The following JAK1 variants were observed in gnomAD, a reference collection of about 807,000 sequenced individuals.
JAK1 encodes tyrosine-protein kinase JAK1.
Under a neutral mutation model 136.6 loss-of-function variants are expected in JAK1, and 16 were observed. The ratio of observed to expected loss-of-function variants is 0.12; its 90% CI spans 0.08 to 0.18. JAK1 has a LOEUF of 0.18. JAK1 is among the 10% of genes least tolerant of loss of function. The pLI, the probability that JAK1 is intolerant of heterozygous loss-of-function variation, is 1.00. For synonymous variants in JAK1, 492 were observed against 519.5 expected (o/e 0.95, Z 0.72); for missense variants, 859 against 1,450.1 (o/e 0.59, Z 6.62).
Position 64,846,725 on chromosome 1 carries a change from C to T in JAK1, c.1911G>A (p.Glu637=), listed in dbSNP as rs777366315. The T allele has an allele frequency of 5.9e-5, 95 of 1,613,810 alleles. No individual in the cohort carries two copies. The South Asian group carries it at 1.0e-3, about 17-fold the overall frequency. ...SHRDISLAFF[E]AASMMRQVSH... is the part of the protein sequence containing the mutation. Reference sequence around the variant, plus strand: ...AGACCTGTCTCATCATGCTGGCTGCCTCGAAGAAGGCCTGTGGGCGAGCAG... The same window carrying T: ...AGACCTGTCTCATCATGCTGGCTGCTTCGAAGAAGGCCTGTGGGCGAGCAG... The change falls in exon 14 of 25, where the codon GAG becomes GAA. Residue 637 remains glutamate, a synonymous_variant. Coordinates refer to ENST00000342505, the MANE Select transcript of JAK1 (RefSeq NM_002227.4).
intron 2 of JAK1, among the ~76,000 whole-genome samples, chr1:64,995,718 G>T (rs937575013): frequency 8.5e-5 from 13 of 152,082 alleles, no homozygotes; most frequent in African/African-American, 2.7e-4. Flanking sequence ...GAAACCAAAA[G>T]AAAAATGATA....
chr1:65,052,686 T>A (rs990319242), intron 1 of JAK1, among the ~76,000 whole-genome samples: 1 of 151,626 alleles, frequency 6.6e-6, no homozygotes, highest in Non-Finnish European at 1.5e-5. Flanking sequence ...TGGTGGTGGG[T>A]GCCTGTAGTT....
At chr1:64,860,340 CAG>C in intron 8 of JAK1, 78 bp from the exon 9 acceptor site, 1 of 1,229,540 alleles carries the variant, frequency 8.1e-7, no homozygotes, top group Non-Finnish European at 1.1e-6. Context: ...GGGAGGTGCA[CAG>C]TGAGAAGATT....
Position 64,847,523 on chromosome 1 carries a change from G to A in JAK1, c.1899+9C>T. ...AGGGGAGGGGAGGAGTTCAGAGGAA[G>A]ACACTTGCCAGGGAAATATCCCTGT... On this transcript the variant is annotated intron_variant, in intron 13 of 24. Transcript: ENST00000342505. The A allele has an allele frequency of 1.9e-6, 3 of 1,613,962 alleles. No individual in the cohort carries two copies. Among genetic ancestry groups the A allele is most frequent in the East Asian group, 2.2e-5 (1 of 44,888 alleles).
chr1:64,876,320 C>G (rs1173772656), intron 4 of JAK1: 2 of 152,216 alleles, frequency 1.3e-5, no homozygotes, highest in Admixed American at 1.3e-4. Context: ...GGGCAGAACA[C>G]AATCTTCAAT....
In JAK1 at chr1:64,985,952, G is replaced by T. The variant is rs1046801926; in HGVS notation, c.-78+58528C>A. 5.7e-6 allele frequency: 6 copies of T among 1,059,162 alleles called. No individual in the cohort carries two copies. In the East Asian group the frequency reaches 8.3e-5, roughly 15 times the overall value. 65.6% of individuals were successfully genotyped at this position (1,059,162 alleles called of 1,614,324 possible). ...TCTCAGAGGGAGGGGTATTTGCCTT[G>T]TCCTTCAAAGTGTTGATAAATTCCC... On this transcript the variant is annotated intron_variant, in intron 2 of 25. Coordinates refer to the JAK1 transcript ENST00000671954.
chr1:64,849,380 G>C (rs903585611), intron 12 of JAK1, among the ~76,000 whole-genome samples: 1 of 152,160 alleles, frequency 6.6e-6, no homozygotes, highest in Non-Finnish European at 1.5e-5. Flanking sequence ...ATTTTTAGTA[G>C]AGATGGGATC....
chr1:64,855,726 T>C lies in JAK1; in HGVS notation c.1459-28A>G, dbSNP rs2274948. The stretch of plus-strand genomic sequence containing the variant: ...ATTCGGGAAATGACCAGAAATTACA[T>C]GTTTAAAATGGGGTCAGGCATGGGT... On this transcript the variant is annotated intron_variant, in intron 10 of 24. Transcript: ENST00000342505. 8,262 of 1,597,794 alleles carry C rather than the reference T, an allele frequency of 5.2e-3. 547 individuals are homozygous for C. The East Asian group carries it at 0.14, about 27-fold the overall frequency.
At chr1:65,019,684 A>G (rs568042273) in intron 2 of JAK1, among the ~76,000 whole-genome samples, 6 of 152,210 alleles carry the variant, frequency 3.9e-5, no homozygotes, top group East Asian at 1.9e-4. Context: ...TGGGAGGCCA[A>G]TGTGGGTGGA....
upstream of JAK1, among the ~76,000 whole-genome samples, chr1:64,968,846 C>T (rs968804673): frequency 2.7e-5 from 4 of 149,038 alleles, no homozygotes; most frequent in Admixed American, 2.0e-4. Context: ...GCACAAGAAT[C>T]GCTTGAAGCC....
intron 12 of JAK1, chr1:64,847,928 TAGGA>T: frequency 2.1e-6 from 1 of 475,312 alleles, no homozygotes; most frequent in Non-Finnish European, 3.8e-6. Context: ...TTTCTACCCC[TAGGA>T]ACAGCCTTTG....
intron 1 of JAK1, among the ~76,000 whole-genome samples, chr1:65,048,329 C>T (rs1647208152): frequency 6.6e-6 from 1 of 152,208 alleles, no homozygotes; most frequent in Non-Finnish European, 1.5e-5. Context: ...ACCAGACACA[C>T]AGCAGGTATC....
intron 1 of JAK1, among the ~76,000 whole-genome samples, chr1:64,933,764 C>G (rs1224380105): frequency 6.6e-6 from 1 of 152,178 alleles, no homozygotes; most frequent in Non-Finnish European, 1.5e-5. Context: ...TCTGGCACCA[C>G]AAAATGCAAT....
chr1:64,884,964 C>T (rs1644829850), intron 2 of JAK1, among the ~76,000 whole-genome samples: 1 of 152,116 alleles, frequency 6.6e-6, no homozygotes, highest in East Asian at 1.9e-4. Context: ...AGGAGGCTCC[C>T]CCAAACAAGA....
rs1646753951 is a variant in JAK1 at position 65,001,306 on chromosome 1, T to A, written c.-78+43174A>T. ...TTTCACTGGGCTGCAGTGATTCCCC[T>A]TGTTACCAAAAGGGGCCCAGCCTCC... On this transcript the variant is annotated intron_variant, in intron 2 of 25. Transcript: ENST00000671954. Among the ~76,000 whole-genome samples the A allele has an allele frequency of 2.6e-5, 4 of 152,340 alleles. No homozygotes were observed. The Middle Eastern group carries it at 0.014, about 518-fold the overall frequency.
At position 64,936,182 on chromosome 1, in the gene JAK1, G is replaced by A. The variant is rs184289967; in HGVS notation, c.-78+30151C>T. Among the ~76,000 whole-genome samples, 4 of 152,168 alleles carry A rather than the reference G, an allele frequency of 2.6e-5. 1 individual carries two copies. The highest frequency in any genetic ancestry group is 9.7e-5 in the African/African-American group (4 of 41,432). ...AAAGATTAAGCAACAGAGGAGAGGTGGAAGTTTATCAGAGAATCAGGATTT... is the reference window on the plus strand; with the variant it reads ...AAAGATTAAGCAACAGAGGAGAGGTAGAAGTTTATCAGAGAATCAGGATTT... On this transcript the variant is annotated intron_variant, in intron 1 of 24. Transcript: ENST00000342505.
chr1:64,879,057 G>C lies in JAK1; in HGVS notation c.297C>G (p.Asp99Glu), dbSNP rs1366562603. 5.6e-6 allele frequency: 9 copies of C among 1,613,906 alleles called. No homozygotes were observed. Among genetic ancestry groups the C allele is most frequent in the Non-Finnish European group, 7.6e-6 (9 of 1,179,994 alleles). Reference sequence around the variant, plus strand: ...GGTAGTGGAGCCGGAGGGACATCTTGTCATCAACGGTGATGGTGCGATTTG... The same window carrying C: ...GGTAGTGGAGCCGGAGGGACATCTTCTCATCAACGGTGATGGTGCGATTTG... ...YAPNRTITVDDKMSLRLHYRM... is the reference protein window; with the variant it reads ...YAPNRTITVDEKMSLRLHYRM... The change falls in exon 4 of 25, where the codon GAC becomes GAG. Residue 99 changes from aspartate (D) to glutamate (E), a missense_variant. Around this residue, in one of 4 missense-constraint regions of JAK1, gnomAD observed 353 missense variants for 494.0 expected, o/e 0.71. Transcript: ENST00000342505.
At chr1:64,987,422 G>C (rs1231843126) in intron 2 of JAK1, 2 of 152,246 alleles carry the variant, frequency 1.3e-5, no homozygotes, top group African/African-American at 2.4e-5. Context: ...TAAAGGATTA[G>C]GCCTGGGTAC....
chr1:64,967,390 C>T (rs1279000526), upstream of JAK1, among the ~76,000 whole-genome samples: 1 of 152,186 alleles, frequency 6.6e-6, no homozygotes, highest in Non-Finnish European at 1.5e-5. Flanking sequence ...AATCGTCACT[C>T]CATTCACTCC....
Sources: gnomAD v4.1 joint callset for allele counts (sites outside exome capture counted in the v4.1 genomes callset) on GRCh38, gnomAD v4.1.1 for gene constraint, gnomAD v4.1.1 regional missense constraint, MANE v1.5 for transcripts, NCBI Gene and HGNC (gene_info 2026-07-23, HGNC 2026-07-21) for gene names.